Variants in CADM2 observed in about 807,000 individuals in gnomAD.
The protein encoded by CADM2 is immunoglobulin superfamily member 4D.
A neutral mutation model predicts 49.8 loss-of-function variants in CADM2; 12 were observed. That is an observed-to-expected ratio of 0.24 (90% CI 0.15 to 0.39). The LOEUF is 0.39. Among genes scored for constraint, CADM2 ranks in the 10% least tolerant of loss-of-function variants. The pLI is 1.00. For synonymous variants in CADM2, 214 were observed against 175.4 expected (o/e 1.22, Z -1.74); for missense variants, 378 against 492.3 (o/e 0.77, Z 2.20).
rs371581229 is a variant in CADM2, at chr3:86,036,533, A to G, written c.971-29072A>G. On this transcript the variant is annotated intron_variant, in intron 8 of 9. Coordinates refer to ENST00000383699, the MANE Select transcript of CADM2 (RefSeq NM_001167675.2). ...CTTTTCCTAGACTCTCTCTCTCTCC[A>G]AGGTGTTGGACTGAATTATCACATG... 7.2e-5 allele frequency among the ~76,000 whole-genome samples: 11 copies of G among 152,136 alleles called. No individual in the cohort carries two copies. In the East Asian group the frequency reaches 1.5e-3, roughly 21 times the overall value.
At chr3:85,401,387 C>T (rs2107440065) in intron 1 of CADM2, among the ~76,000 whole-genome samples, 1 of 152,234 alleles carries the variant, frequency 6.6e-6, no homozygotes, top group South Asian at 2.1e-4. Flanking sequence ...CAAGTTTAGG[C>T]AACAGAAGGA....
chr3:85,817,812 C>A (rs1384352402), intron 3 of CADM2, among the ~76,000 whole-genome samples: 1 of 151,732 alleles, frequency 6.6e-6, no homozygotes, highest in East Asian at 1.9e-4. Context: ...GACTTCCTCT[C>A]AAAAACAAAT....
chr3:85,476,671 T>C lies in CADM2; in HGVS notation c.62-249851T>C, dbSNP rs531252352. Reference sequence around the variant, plus strand: ...TGTTAAAAGTCTATCCCTTCATTTTTAAGAATTAGTTGCAAAACAAAGAGT... The same window carrying C: ...TGTTAAAAGTCTATCCCTTCATTTTCAAGAATTAGTTGCAAAACAAAGAGT... On this transcript the variant is annotated intron_variant, in intron 1 of 9. Transcript: ENST00000383699. Among the ~76,000 whole-genome samples, 4 of 152,008 alleles carry C rather than the reference T, an allele frequency of 2.6e-5. No homozygotes were observed. In the East Asian group the frequency reaches 7.8e-4, roughly 29 times the overall value.
chr3:86,021,820 G>A (rs1315539205), intron 8 of CADM2, among the ~76,000 whole-genome samples: 4 of 152,152 alleles, frequency 2.6e-5, no homozygotes, highest in Admixed American at 2.0e-4. Context: ...GTTATCAGTG[G>A]CAGGGGATAG....
chr3:85,387,007 G>C (rs2034266565), intron 1 of CADM2, among the ~76,000 whole-genome samples: 1 of 152,102 alleles, frequency 6.6e-6, no homozygotes, highest in Admixed American at 6.6e-5. Flanking sequence ...CCACAGGCAG[G>C]CTAAGCCTCC....
At chr3:85,616,883 G>A (rs868494486) in intron 1 of CADM2, among the ~76,000 whole-genome samples, 1 of 152,076 alleles carries the variant, frequency 6.6e-6, no homozygotes, top group Admixed American at 6.6e-5. Flanking sequence ...ACAGAAGAAA[G>A]CAGAAATACT....
At chr3:85,448,097 C>T (rs1269745444) in intron 1 of CADM2, among the ~76,000 whole-genome samples, 3 of 151,982 alleles carry the variant, frequency 2.0e-5, no homozygotes, top group South Asian at 2.1e-4. Context: ...TTTGGAAGGG[C>T]GAGGCGGGCG....
intron 1 of CADM2, among the ~76,000 whole-genome samples, chr3:85,666,184 G>T (rs2065560565): frequency 6.6e-6 from 1 of 151,960 alleles, no homozygotes; most frequent in African/African-American, 2.4e-5. Flanking sequence ...CAACTTACAA[G>T]GGATGTGAAG....
intron 1 of CADM2, among the ~76,000 whole-genome samples, chr3:85,692,032 G>C (rs971851685): frequency 2.0e-5 from 3 of 152,096 alleles, no homozygotes; most frequent in Non-Finnish European, 4.4e-5. Flanking sequence ...GTTAAATGAC[G>C]AGTTAATGGG....
At chr3:85,689,576 T>C (rs1395441435) in intron 1 of CADM2, among the ~76,000 whole-genome samples, 1 of 152,156 alleles carries the variant, frequency 6.6e-6, no homozygotes, top group Non-Finnish European at 1.5e-5. Flanking sequence ...GTTAAATAGG[T>C]GCAGAAAGAC....
chr3:85,144,147 C>A (rs1173780420), intron 1 of CADM2, among the ~76,000 whole-genome samples: 1 of 151,966 alleles, frequency 6.6e-6, no homozygotes, highest in African/African-American at 2.4e-5. Flanking sequence ...TTAACTATTT[C>A]CAGACCATAC....
chr3:85,731,712 G>GT (rs1301674660), intron 2 of CADM2, among the ~76,000 whole-genome samples: 5 of 151,870 alleles, frequency 3.3e-5, no homozygotes, highest in Non-Finnish European at 7.4e-5. Flanking sequence ...CTAGGTATAT[G>GT]TTTTTCTTTC....
chr3:85,479,154 G>A (rs906234188), intron 1 of CADM2, among the ~76,000 whole-genome samples: 2 of 151,720 alleles, frequency 1.3e-5, no homozygotes, highest in African/African-American at 4.8e-5. Context: ...GGATGTCCCT[G>A]TGTTGCTCAA....
chr3:85,551,062 A>C (rs1449406), intron 1 of CADM2, among the ~76,000 whole-genome samples: 77,893 of 151,920 alleles, frequency 0.51, 23,040 homozygotes, highest in East Asian at 0.85. Context: ...TGGCTCACTG[A>C]GACCTCTACC....
Position 85,098,564 on chromosome 3 carries a change from A to G in CADM2, c.61+138896A>G, listed in dbSNP as rs1013491953. 2.0e-5 allele frequency among the ~76,000 whole-genome samples: 3 copies of G among 152,222 alleles called. No homozygotes were observed. The South Asian group carries it at 6.2e-4, about 32-fold the overall frequency. Reference sequence around the variant, plus strand: ...AGTCACTGTAATTTATTATCTCCTTATTTTCTAGAAGGAGGACATCTAGTT... The same window carrying G: ...AGTCACTGTAATTTATTATCTCCTTGTTTTCTAGAAGGAGGACATCTAGTT... On this transcript the variant is annotated intron_variant, in intron 1 of 9. Transcript: ENST00000383699.
At chr3:85,996,442 C>T (rs920231210) in intron 8 of CADM2, among the ~76,000 whole-genome samples, 4 of 151,534 alleles carry the variant, frequency 2.6e-5, no homozygotes, top group Non-Finnish European at 4.4e-5. Context: ...GGACTACAGG[C>T]GCATGCTACC....
intron 6 of CADM2, among the ~76,000 whole-genome samples, chr3:85,927,701 G>A (rs1720051352): frequency 6.6e-6 from 1 of 152,170 alleles, no homozygotes; most frequent in African/African-American, 2.4e-5. Flanking sequence ...ATGCAATATA[G>A]GAGGGTACAG....
chr3:85,413,691 A>G (rs1048075042), intron 1 of CADM2, among the ~76,000 whole-genome samples: 1 of 152,162 alleles, frequency 6.6e-6, no homozygotes, highest in African/African-American at 2.4e-5. Context: ...CAAGAGCAGC[A>G]CAGGGGGAAA....
chr3:85,087,201 A>G (rs1211390744), intron 1 of CADM2, among the ~76,000 whole-genome samples: 2 of 152,166 alleles, frequency 1.3e-5, no homozygotes, highest in Admixed American at 6.5e-5. Context: ...CAGAAAGGTC[A>G]GTGAGTAGTT....
Sources: gnomAD v4.1 joint callset for allele counts (sites outside exome capture counted in the v4.1 genomes callset) on GRCh38, gnomAD v4.1.1 for gene constraint, MANE v1.5 for transcripts, NCBI Gene and HGNC (gene_info 2026-07-23, HGNC 2026-07-21) for gene names.